The following CRYBB1 variants were observed in gnomAD, a reference collection of about 807,000 sequenced individuals.
The protein encoded by CRYBB1 is beta-crystallin B1.
A neutral mutation model predicts 29.5 loss-of-function variants in CRYBB1; 16 were observed. The observed-to-expected ratio is 0.54, with a 90% CI of 0.37 to 0.82. CRYBB1 has a LOEUF of 0.82. Among genes scored for constraint, CRYBB1 ranks in the 40% least tolerant of loss-of-function variants. The pLI, the probability that CRYBB1 is intolerant of heterozygous loss-of-function variation, is 0.00. For missense variants in CRYBB1, 300 were observed against 350.5 expected, an observed-to-expected ratio of 0.86 and a Z score of 1.15; for synonymous variants, 127 against 136.7, an observed-to-expected ratio of 0.93 and a Z score of 0.49.
At chr22:26,610,842 A>G (rs967472629) in intron 3 of CRYBB1, among the ~76,000 whole-genome samples, 4 of 152,194 alleles carry the variant, frequency 2.6e-5, no homozygotes, top group Non-Finnish European at 4.4e-5. Flanking sequence ...TGAACAAGGC[A>G]AACAGGGGAA....
Position 26,616,092 on chromosome 22 carries a change from G to T in CRYBB1, c.180+48C>A, listed in dbSNP as rs367809123. ...AGGAGAAGAAGGAGGAGGAGGGAAG[G>T]AAGGAAAGAAGGCATGGCACCCAGC... On this transcript the variant is annotated intron_variant, in intron 2 of 5. Transcript: ENST00000647684. 25 of 1,448,010 alleles carry T rather than the reference G, an allele frequency of 1.7e-5. No homozygotes were observed. The East Asian group carries it at 5.0e-4, about 29-fold the overall frequency. The allele number at this position is 1,448,010 out of a possible 1,614,324, so 89.7% of individuals were successfully genotyped here. A position where few individuals can be genotyped will look rare whatever the true frequency, so the allele number is the denominator to read the frequency against.
At chr22:26,616,389 C>G in intron 1 of CRYBB1, 51 bp from the exon 2 acceptor site, 1 of 1,194,452 alleles carries the variant, frequency 8.4e-7, no homozygotes. Flanking sequence ...CTGCCTCCTG[C>G]CCTCATAGCC....
intron 4 of CRYBB1, 130 bp downstream of exon 4, chr22:26,607,759 T>G: frequency 7.9e-7 from 1 of 1,269,080 alleles, no homozygotes; most frequent in Non-Finnish European, 1.1e-6. Flanking sequence ...TCCACGGTCC[T>G]TTGACAACTC....
chr22:26,599,670 C>G lies in CRYBB1; in HGVS notation c.579G>C (p.Trp193Cys), dbSNP rs1390187808. 3.1e-6 allele frequency: 5 copies of G among 1,613,924 alleles called. No individual in the cohort carries two copies. The highest frequency in any genetic ancestry group is 4.2e-6 in the Non-Finnish European group (5 of 1,179,816). ...GGTAGCCAGGATACTGATAGCCAAC[C>G]CATCTGAGAGAAAAGTGAGAAGGAC... ...VGSVKVSSGT[W>C]VGYQYPGYRG... is the part of the protein sequence containing the mutation. The change falls in exon 6 of 6, where the codon TGG becomes TGC. Residue 193 changes from tryptophan (W) to cysteine (C), a missense_variant. Coordinates refer to ENST00000647684, the MANE Select transcript of CRYBB1 (RefSeq NM_001887.4).
chr22:26,606,374 A>AT (rs1168503018), intron 4 of CRYBB1, among the ~76,000 whole-genome samples: 2 of 152,156 alleles, frequency 1.3e-5, no homozygotes, highest in African/African-American at 4.8e-5. Context: ...ATTCTTTAAA[A>AT]TTTTTTTTAC....
intron 5 of CRYBB1, 97 bp from the exon 6 acceptor site, chr22:26,599,770 C>A: frequency 1.1e-6 from 1 of 919,592 alleles, no homozygotes; most frequent in South Asian, 1.4e-5. Context: ...TTGATCCCTG[C>A]AGTCGGCTGC....
Position 26,599,484 on chromosome 22 carries a change from G to A in CRYBB1, c.*6C>T. On this transcript the variant is annotated 3_prime_UTR_variant, in exon 6 of 6. Transcript: ENST00000647684. ...TTGGGGCAAGGTAGCAGAGTGAGGT[G>A]TGGACTCACTTGGGGGGCTCTGTGG... 6.2e-7 allele frequency: 1 copy of A among 1,608,614 alleles called. No homozygotes were observed.
At chr22:26,611,032 T>C (rs919891166) in intron 3 of CRYBB1, among the ~76,000 whole-genome samples, 1 of 152,112 alleles carries the variant, frequency 6.6e-6, no homozygotes, top group African/African-American at 2.4e-5. Flanking sequence ...AGGCTGGACA[T>C]AGGGCAACCA....
intron 3 of CRYBB1, among the ~76,000 whole-genome samples, chr22:26,610,540 C>T (rs185396535): frequency 6.6e-6 from 1 of 152,308 alleles, no homozygotes; most frequent in East Asian, 1.9e-4. Flanking sequence ...CATCCGGTAG[C>T]TTCTGCTTCC....
At chr22:26,611,257 T>C (rs1929148169) in intron 3 of CRYBB1, among the ~76,000 whole-genome samples, 1 of 152,170 alleles carries the variant, frequency 6.6e-6, no homozygotes, top group South Asian at 2.1e-4. Flanking sequence ...ATCTGTCAAG[T>C]GGGCATAAGA....
rs990096170 is a variant in CRYBB1, at chr22:26,616,217, G to A, written c.103C>T (p.Pro35Ser). 6.2e-7 allele frequency: 1 copy of A among 1,614,122 alleles called. No individual in the cohort carries two copies. The highest frequency in any genetic ancestry group is 2.2e-5 in the East Asian group (1 of 44,878). Reference sequence around the variant, plus strand: ...GTTGTTGGGGCCAGGGTAGTGCCGGGACTAGGGGATGTTCCTGCAGGTGGG... The same window carrying A: ...GTTGTTGGGGCCAGGGTAGTGCCGGAACTAGGGGATGTTCCTGCAGGTGGG... ...GAPPAGTSPS[P>S]GTTLAPTTVP... is the part of the protein sequence containing the mutation. The change falls in exon 2 of 6, where the codon CCC (proline) becomes TCC (serine). Residue 35 changes from proline to serine, a missense_variant. By Grantham distance (74) the Pro-to-Ser change is moderately conservative. Transcript: ENST00000647684.
rs775166258 is a variant in CRYBB1, at chr22:26,602,015, GGGCATCCTGGGGAAAGAGA to G, written c.433-13_438del. On this transcript the variant is annotated splice_acceptor_variant and splice_polypyrimidine_tract_variant and coding_sequence_variant and intron_variant, in exon 5 of 6. Coordinates refer to ENST00000647684, the MANE Select transcript of CRYBB1 (RefSeq NM_001887.4). LOFTEE classifies it high-confidence loss of function. ...TCAAACAGGGAGATTTTGTGCTCCT[GGGCATCCTGGGGAAAGAGA>G]GGCCGGGTCAGGTGTGTGAAGTACA... 6.2e-7 allele frequency: 1 copy of G among 1,613,570 alleles called. No individual in the cohort carries two copies. The highest frequency in any genetic ancestry group is 2.2e-5 in the East Asian group (1 of 44,872).
chr22:26,612,689 A>G (rs144264360), intron 2 of CRYBB1, among the ~76,000 whole-genome samples: 11 of 152,338 alleles, frequency 7.2e-5, no homozygotes, highest in East Asian at 1.9e-4. Flanking sequence ...CTGCGCCATC[A>G]TTAGGAACTT....
intron 2 of CRYBB1, among the ~76,000 whole-genome samples, chr22:26,612,940 C>G (rs1929225705): frequency 6.6e-6 from 1 of 152,210 alleles, no homozygotes; most frequent in African/African-American, 2.4e-5. Context: ...AGCAGCACAA[C>G]TAACCCACCA....
intron 4 of CRYBB1, among the ~76,000 whole-genome samples, chr22:26,605,890 G>A (rs1393520672): frequency 5.9e-5 from 9 of 152,138 alleles, no homozygotes; most frequent in Non-Finnish European, 1.3e-4. Flanking sequence ...CTGTGGCAGG[G>A]CAGAGAGAGG....
At chr22:26,605,091 C>T (rs1199440474) in intron 4 of CRYBB1, among the ~76,000 whole-genome samples, 2 of 152,178 alleles carry the variant, frequency 1.3e-5, no homozygotes, top group Admixed American at 6.5e-5. Flanking sequence ...ACCATCTGCT[C>T]TTCACGTGGC....
At chr22:26,613,963 T>G (rs1193047809) in intron 2 of CRYBB1, among the ~76,000 whole-genome samples, 1 of 152,184 alleles carries the variant, frequency 6.6e-6, no homozygotes, top group African/African-American at 2.4e-5. Flanking sequence ...GGTCGTCTCT[T>G]ATGGTCGACG....
chr22:26,607,830 C>T (rs1929029775), intron 4 of CRYBB1, 59 bp downstream of exon 4: 1 of 1,612,746 alleles, frequency 6.2e-7, no homozygotes, highest in Admixed American at 1.7e-5. Context: ...AGATCTCAGA[C>T]TTACACCTGC....
intron 3 of CRYBB1, among the ~76,000 whole-genome samples, chr22:26,609,867 A>C (rs771286065): frequency 1.3e-5 from 2 of 152,226 alleles, no homozygotes; most frequent in Admixed American, 6.5e-5. Flanking sequence ...CAGAGAAGAA[A>C]TGATACATCT....
Sources: allele counts gnomAD v4.1 joint callset (sites outside exome capture counted in the v4.1 genomes callset), GRCh38; gene constraint gnomAD v4.1.1; transcripts MANE v1.5; gene names NCBI Gene and HGNC (gene_info 2026-07-23, HGNC 2026-07-21).